ZFPM2: variants seen among roughly 807,000 people sequenced by gnomAD.
ZFPM2 encodes zinc finger protein ZFPM2.
A neutral mutation model predicts 98.6 loss-of-function variants in ZFPM2; 20 were observed. The ratio of observed to expected loss-of-function variants is 0.20; its 90% CI spans 0.14 to 0.29. ZFPM2 has a LOEUF of 0.29. Ranked by LOEUF, ZFPM2 falls within the 10% of genes least tolerant of loss-of-function variation. ZFPM2 has a pLI of 1.00. For synonymous variants in ZFPM2, 518 were observed against 502.7 expected, an observed-to-expected ratio of 1.03 and a Z score of -0.41; for missense variants, 1,310 against 1,388.6, an observed-to-expected ratio of 0.94 and a Z score of 0.90.
intron 3 of ZFPM2, among the ~76,000 whole-genome samples, chr8:105,556,975 C>T (rs1460259849): frequency 2.0e-5 from 3 of 152,078 alleles, no homozygotes; most frequent in East Asian, 1.9e-4. Context: ...CCAATCACCT[C>T]GGCCTCCCAA....
At position 105,618,080 on chromosome 8, in the gene ZFPM2, A is replaced by ATT. The variant is rs1341191891; in HGVS notation, c.421-16165_421-16164dup. Among the ~76,000 whole-genome samples, 3 of 152,282 alleles carry ATT rather than the reference A, an allele frequency of 2.0e-5. No homozygotes were observed. In the East Asian group the frequency reaches 5.8e-4, roughly 29 times the overall value. On this transcript the variant is annotated intron_variant, in intron 4 of 7. Coordinates refer to ENST00000407775, the MANE Select transcript of ZFPM2 (RefSeq NM_012082.4). ...CACAGCTCGAAAAACCCTGAAGATT[A>ATT]TTAATGAGGCACCATGTAATTAGCC...
At chr8:105,643,446 G>C (rs768345725) in intron 5 of ZFPM2, among the ~76,000 whole-genome samples, 9 of 151,830 alleles carry the variant, frequency 5.9e-5, no homozygotes, top group Non-Finnish European at 1.2e-4. Context: ...TACTGGCCTG[G>C]TAATTCCTCA....
intron 5 of ZFPM2, among the ~76,000 whole-genome samples, chr8:105,732,510 C>G (rs1811964538): frequency 6.6e-6 from 1 of 151,726 alleles, no homozygotes; most frequent in Admixed American, 6.6e-5. Flanking sequence ...CATTCAAATT[C>G]ATTATTAATA....
chr8:105,682,641 A>G (rs1277085142), intron 5 of ZFPM2, among the ~76,000 whole-genome samples: 1 of 152,172 alleles, frequency 6.6e-6, no homozygotes, highest in African/African-American at 2.4e-5. Flanking sequence ...GAAATAAGTT[A>G]GAAAATTACT....
chr8:105,323,965 A>G (rs141623898), intron 1 of ZFPM2, among the ~76,000 whole-genome samples: 1 of 151,970 alleles, frequency 6.6e-6, no homozygotes, highest in Non-Finnish European at 1.5e-5. Context: ...TTAATATTAT[A>G]TATCTTAGTA....
intron 5 of ZFPM2, among the ~76,000 whole-genome samples, chr8:105,764,332 G>T: frequency 7.2e-6 from 1 of 139,682 alleles, no homozygotes; most frequent in African/African-American, 2.6e-5. Flanking sequence ...ACACATATTT[G>T]GAAATACTCA....
chr8:105,583,232 C>T (rs567093107), intron 4 of ZFPM2, among the ~76,000 whole-genome samples: 1 of 152,008 alleles, frequency 6.6e-6, no homozygotes. Context: ...AAACCTTCTC[C>T]AACTTCATGA....
chr8:105,594,967 A>G (rs1815937641), intron 4 of ZFPM2, among the ~76,000 whole-genome samples: 3 of 152,152 alleles, frequency 2.0e-5, no homozygotes, highest in Admixed American at 6.5e-5. Context: ...AGGATTCTAT[A>G]AAAGTTGTTT....
intron 4 of ZFPM2, among the ~76,000 whole-genome samples, chr8:105,576,552 T>G (rs1444832146): frequency 6.6e-6 from 1 of 152,172 alleles, no homozygotes; most frequent in Non-Finnish European, 1.5e-5. Flanking sequence ...TTGGTTAAAA[T>G]AATGTCTGTG....
chr8:105,634,148 T>G, intron 4 of ZFPM2, 98 bp from the exon 5 acceptor site: 1 of 880,434 alleles, frequency 1.1e-6, no homozygotes, highest in Non-Finnish European at 1.8e-6. Context: ...TTTGGGAGAT[T>G]TAGTTGTTTG....
chr8:105,612,884 T>C (rs1305028884), intron 4 of ZFPM2, among the ~76,000 whole-genome samples: 1 of 152,128 alleles, frequency 6.6e-6, no homozygotes, highest in Non-Finnish European at 1.5e-5. Flanking sequence ...AGGGAAATAG[T>C]GGAAAGAAAA....
intron 5 of ZFPM2, among the ~76,000 whole-genome samples, chr8:105,651,617 T>A (rs1186309699): frequency 1.3e-5 from 2 of 152,130 alleles, no homozygotes; most frequent in African/African-American, 4.8e-5. Context: ...CTAAAAGGCC[T>A]TCTTTACCCT....
chr8:105,455,524 G>T (rs1238024971), intron 3 of ZFPM2, among the ~76,000 whole-genome samples: 1 of 148,196 alleles, frequency 6.7e-6, no homozygotes, highest in Non-Finnish European at 1.5e-5. Flanking sequence ...TACTATTATT[G>T]GATTTAAACT....
At chr8:105,602,476 C>A (rs1363610498) in intron 4 of ZFPM2, among the ~76,000 whole-genome samples, 2 of 152,080 alleles carry the variant, frequency 1.3e-5, no homozygotes, top group Admixed American at 6.6e-5. Context: ...CCCTACCTGA[C>A]CTTCTCTAGA....
chr8:105,366,118 G>C (rs1380585524), intron 1 of ZFPM2, among the ~76,000 whole-genome samples: 2 of 152,176 alleles, frequency 1.3e-5, no homozygotes, highest in Non-Finnish European at 2.9e-5. Flanking sequence ...CAAAATGAGT[G>C]TTCATGCTAA....
chr8:105,351,487 G>A (rs1812645686), intron 1 of ZFPM2, among the ~76,000 whole-genome samples: 1 of 151,798 alleles, frequency 6.6e-6, no homozygotes, highest in Admixed American at 6.6e-5. Flanking sequence ...AATTTAACTA[G>A]AATTTTTAGG....
intron 5 of ZFPM2, among the ~76,000 whole-genome samples, chr8:105,759,580 T>TTGTGTGTGTG (rs5893760): frequency 2.9e-4 from 43 of 146,978 alleles, no homozygotes; most frequent in African/African-American, 9.7e-4. Context: ...TTGATAATCC[T>TTGTGTGTGTG]TGTGTGTGTG....
At chr8:105,594,178 T>C (rs116637146) in intron 4 of ZFPM2, among the ~76,000 whole-genome samples, 107 of 152,198 alleles carry the variant, frequency 7.0e-4, no homozygotes, top group African/African-American at 2.5e-3. Flanking sequence ...TCAGCCTGTC[T>C]CCTCTCCTCT....
At chr8:105,580,618 G>A (rs1815569699) in intron 4 of ZFPM2, among the ~76,000 whole-genome samples, 1 of 151,988 alleles carries the variant, frequency 6.6e-6, no homozygotes, top group Non-Finnish European at 1.5e-5. Context: ...TAGTGTTTAA[G>A]TTTCTCTCTG....
Sources: allele counts gnomAD v4.1 joint callset (sites outside exome capture counted in the v4.1 genomes callset), GRCh38; gene constraint gnomAD v4.1.1; transcripts MANE v1.5; gene names NCBI Gene and HGNC (gene_info 2026-07-23, HGNC 2026-07-21).